SHOC1: variants seen among roughly 807,000 people sequenced by gnomAD.
The protein encoded by SHOC1 is protein shortage in chiasmata 1 ortholog.
Under a neutral mutation model 179.2 loss-of-function variants are expected in SHOC1, and 136 were observed. That is an observed-to-expected ratio of 0.76 (90% confidence interval 0.66 to 0.87). SHOC1 has a LOEUF of 0.87. SHOC1 is among the 40% of genes least tolerant of loss of function. SHOC1 has a pLI of 0.00. For missense variants in SHOC1, 1,538 were observed against 1,700.8 expected, an observed-to-expected ratio of 0.90 and a Z score of 1.68; for synonymous variants, 489 against 586.6, an observed-to-expected ratio of 0.83 and a Z score of 2.41.
intron 12 of SHOC1, among the ~76,000 whole-genome samples, chr9:111,731,955 C>CACAATAAAGTGAAGT (rs1833590252): frequency 6.6e-6 from 1 of 151,690 alleles, no homozygotes; most frequent in Non-Finnish European, 1.5e-5. Flanking sequence ...ATCTGTGAAG[C>CACAATAAAGTGAAGT]ACAATAAAGT....
Position 111,775,797 on chromosome 9 carries a change from T to C in SHOC1, c.436A>G (p.Asn146Asp). 3 of 1,603,110 alleles carry C rather than the reference T, an allele frequency of 1.9e-6. No individual in the cohort carries two copies. The highest frequency in any genetic ancestry group is 2.5e-6 in the Non-Finnish European group (3 of 1,176,640). ...LEKCSALQNQ[N>D]QDLFIDDKGI... Reference sequence around the variant, plus strand: ...TATAAAATAAACGTTTTACCTTGGTTCTGGTTTTGAAGTGCTGAACATTTT... The same window carrying C: ...TATAAAATAAACGTTTTACCTTGGTCCTGGTTTTGAAGTGCTGAACATTTT... The change falls in exon 5 of 28, where the codon AAC becomes GAC. Residue 146 changes from asparagine (N) to aspartate (D), a missense_variant. Coordinates refer to ENST00000682961, the MANE Select transcript of SHOC1 (RefSeq NM_001378211.1).
chr9:111,772,173 C>T (rs554963145), intron 5 of SHOC1, among the ~76,000 whole-genome samples: 6 of 151,962 alleles, frequency 3.9e-5, no homozygotes, highest in Non-Finnish European at 8.8e-5. Flanking sequence ...CTGGTTGTTC[C>T]ATTTGGATGT....
chr9:111,759,238 C>T, intron 5 of SHOC1: 2 of 1,613,796 alleles, frequency 1.2e-6, no homozygotes, highest in Admixed American at 1.7e-5. Context: ...GTCTTCTCTG[C>T]ATCATTTTAC....
chr9:111,765,704 T>C (rs531365004), intron 5 of SHOC1, among the ~76,000 whole-genome samples: 1 of 152,328 alleles, frequency 6.6e-6, no homozygotes, highest in South Asian at 2.1e-4. Flanking sequence ...ATATGCCTAT[T>C]AAAATTTACC....
At chr9:111,786,441 AC>A (rs1239598885) in intron 2 of SHOC1, among the ~76,000 whole-genome samples, 5 of 151,976 alleles carry the variant, frequency 3.3e-5, no homozygotes, top group Non-Finnish European at 5.9e-5. Context: ...TGTCAAAAAA[AC>A]AACAACAAAA....
At chr9:111,730,770 T>G (rs776745202) in intron 12 of SHOC1, among the ~76,000 whole-genome samples, 1 of 152,218 alleles carries the variant, frequency 6.6e-6, no homozygotes, top group Non-Finnish European at 1.5e-5. Context: ...TAGCCCCTAA[T>G]AGGAGTGTCA....
chr9:111,740,406 A>T (rs1410431295), intron 11 of SHOC1, among the ~76,000 whole-genome samples: 1 of 152,162 alleles, frequency 6.6e-6, no homozygotes, highest in Non-Finnish European at 1.5e-5. Context: ...CAACTCAGTG[A>T]TTCATTTAAA....
chr9:111,711,943 G>C (rs935713309), intron 18 of SHOC1, among the ~76,000 whole-genome samples: 1 of 152,122 alleles, frequency 6.6e-6, no homozygotes, highest in Admixed American at 6.6e-5. Context: ...TACAATAGAA[G>C]CATAAGACTG....
intron 6 of SHOC1, 54 bp downstream of exon 6, chr9:111,758,641 A>G (rs1834988518): frequency 1.4e-6 from 2 of 1,464,732 alleles, no homozygotes; most frequent in Middle Eastern, 2.1e-4. Flanking sequence ...TGATCATACT[A>G]AAACATTTTC....
chr9:111,727,514 C>A lies in SHOC1; in HGVS notation c.1834+119G>T, dbSNP rs1311795147. On this transcript the variant is annotated intron_variant, in intron 13 of 27. Coordinates refer to ENST00000682961, the MANE Select transcript of SHOC1 (RefSeq NM_001378211.1). ...CAAGAATCAATGACATTTTCCTTGA[C>A]TACAAAAAATAACATAATTTTATCT... is the stretch of plus-strand genomic sequence containing the variant. 3 of 889,928 alleles carry A rather than the reference C, an allele frequency of 3.4e-6. No homozygotes were observed. The African/African-American group carries it at 5.1e-5, about 15-fold the overall frequency. The allele number at this position is 889,928 out of a possible 1,614,324, so 55.1% of individuals were successfully genotyped here. A position where few individuals can be genotyped will look rare whatever the true frequency, so the allele number is the denominator to read the frequency against.
intron 3 of SHOC1, among the ~76,000 whole-genome samples, chr9:111,783,059 TTC>T (rs1836133023): frequency 6.6e-6 from 1 of 152,232 alleles, no homozygotes; most frequent in African/African-American, 2.4e-5. Context: ...CATCATCTTA[TTC>T]TCTTTTTACC....
At chr9:111,691,524 G>C (rs748288027) in intron 27 of SHOC1, 27 bp downstream of exon 27, 15 of 1,530,840 alleles carry the variant, frequency 9.8e-6, no homozygotes, top group Non-Finnish European at 1.2e-5. Flanking sequence ...TTTGAGAGTA[G>C]TTTTATCAAC....
At chr9:111,742,278 C>A (rs1834079033) in intron 10 of SHOC1, among the ~76,000 whole-genome samples, 1 of 152,180 alleles carries the variant, frequency 6.6e-6, no homozygotes, top group Admixed American at 6.5e-5. Context: ...TTACCATGCA[C>A]ATAGCAACCT....
At chr9:111,689,843 C>G (rs1001736474) in intron 27 of SHOC1, among the ~76,000 whole-genome samples, 1 of 152,010 alleles carries the variant, frequency 6.6e-6, no homozygotes, top group Non-Finnish European at 1.5e-5. Flanking sequence ...AAGCTTTAAG[C>G]TTTTTCTAAC....
Position 111,713,164 on chromosome 9 carries a change from A to G in SHOC1, c.2424T>C (p.Ile808=). Residue 808 remains isoleucine (I), a synonymous_variant, in exon 18 of 28, where the codon ATT becomes ATC. Coordinates refer to ENST00000682961, the MANE Select transcript of SHOC1 (RefSeq NM_001378211.1). The part of the protein sequence containing the change: ...MQSQQQIKVL[I]IIRMDSDGEK... ...CACCGTCTGAGTCCATTCTTATTAT[A>G]ATCAGTACCTAGTCAAAAATAAAAA... The G allele has an allele frequency of 3.3e-6, 5 of 1,533,618 alleles. No individual in the cohort carries two copies. The highest frequency in any genetic ancestry group is 3.6e-6 in the Non-Finnish European group (4 of 1,114,760).
intron 24 of SHOC1, among the ~76,000 whole-genome samples, chr9:111,696,961 C>G (rs1186065974): frequency 3.9e-5 from 6 of 152,174 alleles, no homozygotes; most frequent in African/African-American, 1.2e-4. Context: ...GCAAGTGGTA[C>G]TTTGAATTCC....
At chr9:111,786,206 C>T (rs746986393) in intron 2 of SHOC1, among the ~76,000 whole-genome samples, 171 bp from the exon 3 acceptor site, 12 of 152,240 alleles carry the variant, frequency 7.9e-5, no homozygotes, top group African/African-American at 1.2e-4. Context: ...GAGGCCCAGG[C>T]GGGCAGATCA....
intron 11 of SHOC1, among the ~76,000 whole-genome samples, chr9:111,739,661 G>C (rs1047476795): frequency 1.3e-5 from 2 of 152,054 alleles, no homozygotes; most frequent in African/African-American, 4.8e-5. Flanking sequence ...AGAAATAATT[G>C]TAGATTCACA....
intron 5 of SHOC1, among the ~76,000 whole-genome samples, chr9:111,763,961 C>G (rs949978188): frequency 1.3e-5 from 2 of 152,096 alleles, no homozygotes; most frequent in African/African-American, 4.8e-5. Context: ...ACACGGAGTA[C>G]AGTAATCTCC....
Sources: gnomAD v4.1 joint callset for allele counts (sites outside exome capture counted in the v4.1 genomes callset) on GRCh38, gnomAD v4.1.1 for gene constraint, MANE v1.5 for transcripts, NCBI Gene and HGNC (gene_info 2026-07-23, HGNC 2026-07-21) for gene names.